The following FAF1 variants were observed in gnomAD, a reference collection of about 807,000 sequenced individuals.
FAF1 encodes the protein FAS-associated factor 1.
FAF1 carries 25 observed loss-of-function variants against 92.5 expected under a neutral mutation model. The observed-to-expected ratio is 0.27, with a 90% CI of 0.20 to 0.38. The LOEUF is 0.38. FAF1 is among the 10% of genes least tolerant of loss of function. The pLI is 1.00. For synonymous variants in FAF1, 234 were observed against 273.2 expected (o/e 0.86, Z 1.42); for missense variants, 636 against 793.3 (o/e 0.80, Z 2.38).
At chr1:50,690,630 G>T (rs1656879559) in intron 7 of FAF1, among the ~76,000 whole-genome samples, 1 of 151,916 alleles carries the variant, frequency 6.6e-6, no homozygotes. Flanking sequence ...AAAAACTGTT[G>T]CATACAAAGA....
intron 7 of FAF1, among the ~76,000 whole-genome samples, chr1:50,688,153 A>T (rs913756928): frequency 6.6e-6 from 1 of 151,778 alleles, no homozygotes; most frequent in East Asian, 1.9e-4. Context: ...ATAAATAAAT[A>T]AATAAAAATA....
At chr1:50,879,928 G>A (rs1412350601) in intron 1 of FAF1, among the ~76,000 whole-genome samples, 5 of 152,198 alleles carry the variant, frequency 3.3e-5, no homozygotes, top group Non-Finnish European at 7.4e-5. Flanking sequence ...ATCTGCCTAA[G>A]AGAACTCCAA....
chr1:50,758,245 G>C (rs575894905), intron 4 of FAF1, among the ~76,000 whole-genome samples: 1 of 152,000 alleles, frequency 6.6e-6, no homozygotes, highest in East Asian at 1.9e-4. Context: ...GTAGAGACAG[G>C]GTTTCACCAT....
chr1:50,663,480 G>A (rs1655484609), intron 7 of FAF1, among the ~76,000 whole-genome samples: 1 of 142,298 alleles, frequency 7.0e-6, no homozygotes, highest in South Asian at 2.2e-4. Flanking sequence ...TCAGCTCACT[G>A]CAACCTCCGC....
At chr1:50,852,332 A>G (rs1644357617) in intron 2 of FAF1, among the ~76,000 whole-genome samples, 2 of 152,214 alleles carry the variant, frequency 1.3e-5, no homozygotes, top group South Asian at 4.1e-4. Context: ...TCCAAACAAT[A>G]GAGAAAGAAC....
At chr1:50,640,379 G>A (rs1003901454) in intron 8 of FAF1, among the ~76,000 whole-genome samples, 7 of 150,266 alleles carry the variant, frequency 4.7e-5, no homozygotes, top group African/African-American at 7.4e-5. Flanking sequence ...TGCAAGCTCC[G>A]CCTCCCAGGT....
intron 4 of FAF1, among the ~76,000 whole-genome samples, chr1:50,772,322 T>C (rs1280249372): frequency 6.6e-6 from 1 of 152,184 alleles, no homozygotes; most frequent in East Asian, 1.9e-4. Flanking sequence ...AGAATTACCG[T>C]CCTACCCCAC....
At chr1:50,598,085 G>C (rs1452650847) in intron 8 of FAF1, among the ~76,000 whole-genome samples, 1 of 152,132 alleles carries the variant, frequency 6.6e-6, no homozygotes, top group Non-Finnish European at 1.5e-5. Context: ...CCTGAGCTCA[G>C]GAGTTCAAGA....
chr1:50,932,753 T>C (rs763936554), intron 1 of FAF1, among the ~76,000 whole-genome samples: 29 of 152,200 alleles, frequency 1.9e-4, no homozygotes, highest in Non-Finnish European at 3.7e-4. Context: ...CACATTTCCC[T>C]TCCCCACTGC....
chr1:50,776,568 A>G (rs1338758189), intron 4 of FAF1, among the ~76,000 whole-genome samples: 1 of 152,158 alleles, frequency 6.6e-6, no homozygotes, highest in Non-Finnish European at 1.5e-5. Context: ...CAAAAAAAAG[A>G]ACAAGGTTTT....
chr1:50,564,203 C>T (rs1213451633), intron 13 of FAF1, among the ~76,000 whole-genome samples: 1 of 151,198 alleles, frequency 6.6e-6, no homozygotes, highest in Non-Finnish European at 1.5e-5. Flanking sequence ...TATTGGATAT[C>T]AACATCCTCA....
intron 7 of FAF1, among the ~76,000 whole-genome samples, chr1:50,684,321 T>C (rs1197145185): frequency 6.7e-6 from 1 of 148,448 alleles, no homozygotes; most frequent in Admixed American, 7.0e-5. Context: ...TCTATGACAA[T>C]GGACCATTTT....
At chr1:50,771,722 G>A (rs2124547152) in intron 4 of FAF1, among the ~76,000 whole-genome samples, 1 of 152,248 alleles carries the variant, frequency 6.6e-6, no homozygotes, top group East Asian at 1.9e-4. Context: ...CCAACATGGT[G>A]AAACCCCTTC....
chr1:50,752,695 G>A (rs1659916164), intron 4 of FAF1, among the ~76,000 whole-genome samples: 1 of 151,552 alleles, frequency 6.6e-6, no homozygotes. Flanking sequence ...GTTTTGTTTT[G>A]TTTTTTTGAG....
chr1:50,459,740 T>C (rs1000110693), intron 18 of FAF1, among the ~76,000 whole-genome samples: 2 of 152,210 alleles, frequency 1.3e-5, no homozygotes, highest in African/African-American at 2.4e-5. Context: ...CTTTCACTAC[T>C]TTAATCCTTC....
At chr1:50,724,533 T>G (rs1002014739) in intron 6 of FAF1, among the ~76,000 whole-genome samples, 8 of 151,992 alleles carry the variant, frequency 5.3e-5, no homozygotes, top group Non-Finnish European at 1.2e-4. Flanking sequence ...AGGGAGAAGG[T>G]GTAAGTTTCT....
At chr1:50,509,942 C>T (rs1201053819) in intron 15 of FAF1, among the ~76,000 whole-genome samples, 1 of 151,752 alleles carries the variant, frequency 6.6e-6, no homozygotes, top group Non-Finnish European at 1.5e-5. Context: ...ACGAGTTGGG[C>T]GGATTGCCTG....
chr1:50,584,839 CA>C, intron 9 of FAF1, 28 bp from the exon 10 acceptor site: 1 of 1,607,030 alleles, frequency 6.2e-7, no homozygotes, highest in Non-Finnish European at 8.5e-7. Flanking sequence ...TGATTAGTTT[CA>C]TATTGATTTT....
chr1:50,472,309 C>T (rs1646583408), intron 18 of FAF1, among the ~76,000 whole-genome samples: 1 of 150,608 alleles, frequency 6.6e-6, no homozygotes, highest in South Asian at 2.1e-4. Context: ...AGGTAGAGCT[C>T]TGGAAATAAA....
Sources: gnomAD v4.1 joint callset for allele counts (sites outside exome capture counted in the v4.1 genomes callset) on GRCh38, gnomAD v4.1.1 for gene constraint, MANE v1.5 for transcripts, NCBI Gene and HGNC (gene_info 2026-07-23, HGNC 2026-07-21) for gene names.